The following ZNF439 variants were observed in gnomAD, a reference collection of about 807,000 sequenced individuals.
ZNF439 encodes zinc finger protein 439.
ZNF439 carries 40 observed loss-of-function variants against 47.3 expected under a neutral mutation model. That is an observed-to-expected ratio of 0.85 (90% CI 0.66 to 1.10). The LOEUF (loss-of-function observed/expected upper bound fraction) is 1.10, where lower values mean the gene tolerates loss of function less well. ZNF439 is among the 50% of genes least tolerant of loss of function. The pLI is 0.00. For missense variants in ZNF439, 556 were observed against 601.1 expected, an observed-to-expected ratio of 0.93 and a Z score of 0.78; for synonymous variants, 171 against 198.8, an observed-to-expected ratio of 0.86 and a Z score of 1.18.
intron 3 of ZNF439, among the ~76,000 whole-genome samples, chr19:11,866,901 T>A (rs1976700476): frequency 1.3e-5 from 2 of 151,968 alleles, no homozygotes; most frequent in South Asian, 4.1e-4. Flanking sequence ...GTGGTATGCA[T>A]CCGTAGTCCC....
chr19:11,852,575 T>G (rs533510677), intron 1 of ZNF439, among the ~76,000 whole-genome samples: 19 of 152,352 alleles, frequency 1.2e-4, no homozygotes, highest in African/African-American at 4.6e-4. Flanking sequence ...AGTGGTGCAA[T>G]CTCAGCTCAC....
intron 3 of ZNF439, among the ~76,000 whole-genome samples, chr19:11,867,011 G>A (rs1324274686): frequency 6.6e-6 from 1 of 152,160 alleles, no homozygotes; most frequent in Non-Finnish European, 1.5e-5. Flanking sequence ...GCACTCCAGG[G>A]TGGGCAACAG....
In ZNF439 at chr19:11,868,601, GC is replaced by G. The variant is rs755177603; in HGVS notation, c.*34del. 1.9e-6 allele frequency: 3 copies of G among 1,573,908 alleles called. No homozygotes were observed. The highest frequency in any genetic ancestry group is 1.7e-4 in the Middle Eastern group (1 of 5,874). ...GATATATGGGAAACACTTTTATTCT[GC>G]CAAGTTATTTCAAACACATGAAAAA... On this transcript the variant is annotated 3_prime_UTR_variant, in exon 4 of 4. Transcript: ENST00000682736.
intron 1 of ZNF439, among the ~76,000 whole-genome samples, chr19:11,863,440 A>G (rs459364): frequency 0.37 from 56,088 of 151,832 alleles, 11,073 homozygotes; most frequent in African/African-American, 0.52. Context: ...GATTACAAGC[A>G]TGAGCCACCA....
In ZNF439 at chr19:11,868,267, C is replaced by G. The variant is rs771632007; in HGVS notation, c.1213C>G (p.His405Asp). The G allele has an allele frequency of 6.2e-7, 1 of 1,614,000 alleles. No individual in the cohort carries two copies. The highest frequency in any genetic ancestry group is 8.5e-7 in the Non-Finnish European group (1 of 1,180,014). Residue 405 changes from histidine to aspartate, a missense_variant, in exon 4 of 4, where the codon CAT (histidine) becomes GAT (aspartate). By Grantham distance (81) the His-to-Asp change is moderately conservative. Transcript: ENST00000682736. ...AFTRSGSFRY[H>D]ERTHTGEKPY... is the part of the protein sequence containing the mutation. The stretch of plus-strand genomic sequence containing the variant: ...CACTCGTTCCGGTTCCTTTCGATAT[C>G]ATGAAAGGACTCACACTGGAGAGAA...
Position 11,868,727 on chromosome 19 carries a change from A to C in ZNF439, c.*158A>C, listed in dbSNP as rs1341118182. The C allele has an allele frequency of 8.5e-6, 7 of 821,108 alleles. No homozygotes were observed. The highest frequency in any genetic ancestry group is 1.4e-5 in the Non-Finnish European group (7 of 501,674). 50.9% of individuals were successfully genotyped at this position (821,108 alleles called of 1,614,324 possible). On this transcript the variant is annotated 3_prime_UTR_variant, in exon 4 of 4. Transcript: ENST00000682736. Reference sequence around the variant, plus strand: ...CTAAAAGGACTCACAGTGGAGAAAAACTCTATGAGTGTAAGCAATGTGGGA... The same window carrying C: ...CTAAAAGGACTCACAGTGGAGAAAACCTCTATGAGTGTAAGCAATGTGGGA...
At chr19:11,851,039 A>G (rs1976224389) in intron 1 of ZNF439, 1 of 152,178 alleles carries the variant, frequency 6.6e-6, no homozygotes, top group Admixed American at 6.6e-5. Context: ...CTCAAAAAAC[A>G]AAAACAAAAC....
At chr19:11,849,197 G>A (rs1568251555) in intron 1 of ZNF439, 4 of 1,072,878 alleles carry the variant, frequency 3.7e-6, no homozygotes, top group South Asian at 5.1e-5. Context: ...AGCTTGTGCG[G>A]GGGCCACGGG....
rs1183170826 is a variant in ZNF439 at position 11,868,375 on chromosome 19, A to C, written c.1321A>C (p.Lys441Gln). ...QLHGRTHTGE[K>Q]PYQCKECGKA... ...GCATGGTAGGACTCACACTGGAGAG[A>C]AACCGTATCAATGTAAGGAATGTGG... Residue 441 changes from lysine (K) to glutamine (Q), a missense_variant, in exon 4 of 4, where the codon AAA becomes CAA. Transcript: ENST00000682736. 5.0e-6 allele frequency: 8 copies of C among 1,606,168 alleles called. No homozygotes were observed. The highest frequency in any genetic ancestry group is 6.8e-6 in the Non-Finnish European group (8 of 1,173,646).
At chr19:11,867,186 G>A in intron 3 of ZNF439, 120 bp from the exon 4 acceptor site, 1 of 1,203,554 alleles carries the variant, frequency 8.3e-7, no homozygotes, top group Non-Finnish European at 1.1e-6. Context: ...AAACAATTCA[G>A]ACAGGGCAGA....
rs777823261 is a variant in ZNF439, at chr19:11,866,611, A to C, written c.251+14A>C. ...GAGAAACTTCAGGTAATTTGCACTTATAAGAGAAAGCAGTGTCTCTCTACA... is the reference window on the plus strand; with the variant it reads ...GAGAAACTTCAGGTAATTTGCACTTCTAAGAGAAAGCAGTGTCTCTCTACA... On this transcript the variant is annotated intron_variant, in intron 3 of 3. Coordinates refer to ENST00000682736, the MANE Select transcript of ZNF439 (RefSeq NM_001348719.2). 6.2e-7 allele frequency: 1 copy of C among 1,611,184 alleles called. No individual in the cohort carries two copies. Among genetic ancestry groups the C allele is most frequent in the Non-Finnish European group, 8.5e-7 (1 of 1,177,646 alleles).
At chr19:11,861,790 C>T (rs575022404) in intron 1 of ZNF439, among the ~76,000 whole-genome samples, 4 of 152,266 alleles carry the variant, frequency 2.6e-5, no homozygotes, top group South Asian at 2.1e-4. Context: ...CGTCATTGAG[C>T]GCTTCTCCTT....
At chr19:11,863,436 A>G (rs459363) in intron 1 of ZNF439, among the ~76,000 whole-genome samples, 17,133 of 152,010 alleles carry the variant, frequency 0.11, 2,124 homozygotes, top group African/African-American at 0.31. Flanking sequence ...CTGGGATTAC[A>G]AGCATGAGCC....
chr19:11,863,152 C>CTTTTTTTT (rs34655587), intron 1 of ZNF439, among the ~76,000 whole-genome samples: 16 of 90,058 alleles, frequency 1.8e-4, no homozygotes, highest in African/African-American at 2.1e-4. Context: ...AAAGATTTTG[C>CTTTTTTTT]TTTTTTTTTT....
At position 11,868,868 on chromosome 19, in the gene ZNF439, A is replaced by C. The variant is rs535696022; in HGVS notation, c.*299A>C. ...TCCATAATTTCTCTTCTTTTCAAAT[A>C]CATGAAAGTTGCACAGAGGAGAGGC... On this transcript the variant is annotated 3_prime_UTR_variant, in exon 4 of 4. Coordinates refer to ENST00000682736, the MANE Select transcript of ZNF439 (RefSeq NM_001348719.2). 3.5e-5 allele frequency: 15 copies of C among 432,432 alleles called. No individual in the cohort carries two copies. Among genetic ancestry groups the C allele is most frequent in the South Asian group, 2.5e-4 (10 of 39,226 alleles). The allele number at this position is 432,432 out of a possible 1,614,324, so 26.8% of individuals were successfully genotyped here. A position where few individuals can be genotyped will look rare whatever the true frequency, so the allele number is the denominator to read the frequency against.
intron 1 of ZNF439, among the ~76,000 whole-genome samples, chr19:11,852,411 T>G (rs1041794440): frequency 2.0e-5 from 3 of 152,238 alleles, no homozygotes; most frequent in Admixed American, 6.5e-5. Context: ...AGCTGGCTAT[T>G]TGAAAGCTGT....
At position 11,854,472 on chromosome 19, in the gene ZNF439, G is replaced by C. The variant is rs548040685; in HGVS notation, c.63+5542G>C. On this transcript the variant is annotated intron_variant, in intron 1 of 3. Coordinates refer to ENST00000682736, the MANE Select transcript of ZNF439 (RefSeq NM_001348719.2). Reference sequence around the variant, plus strand: ...AATCATCAAAGTAGAGATATTATGTGTTTGTGGCCAGGCACAGTGGCTCAC... The same window carrying C: ...AATCATCAAAGTAGAGATATTATGTCTTTGTGGCCAGGCACAGTGGCTCAC... 3.9e-5 allele frequency among the ~76,000 whole-genome samples: 6 copies of C among 152,216 alleles called. No homozygotes were observed. The East Asian group carries it at 9.7e-4, about 25-fold the overall frequency.
At position 11,868,773 on chromosome 19, in the gene ZNF439, A is replaced by T; in HGVS notation, c.*204A>T. The T allele has an allele frequency of 3.1e-6, 2 of 645,262 alleles. No homozygotes were observed. The highest frequency in any genetic ancestry group is 1.9e-5 in the South Asian group (1 of 53,486). The allele number at this position is 645,262 out of a possible 1,614,324, so 40.0% of individuals were successfully genotyped here. A position where few individuals can be genotyped will look rare whatever the true frequency, so the allele number is the denominator to read the frequency against. On this transcript the variant is annotated 3_prime_UTR_variant, in exon 4 of 4. Coordinates refer to ENST00000682736, the MANE Select transcript of ZNF439 (RefSeq NM_001348719.2). ...TGGGAAAGTCTTCAGATCTGTCAAG[A>T]ACCTTTCAATTTATGAAAGGACACA... is the stretch of plus-strand genomic sequence containing the variant.
intron 1 of ZNF439, chr19:11,856,910 T>C (rs1319023912): frequency 6.6e-6 from 1 of 152,278 alleles, no homozygotes; most frequent in Non-Finnish European, 1.5e-5. Flanking sequence ...AGAAACAAGC[T>C]AAGCAGTTCT....
Sources: allele counts gnomAD v4.1 joint callset (sites outside exome capture counted in the v4.1 genomes callset), GRCh38; gene constraint gnomAD v4.1.1; transcripts MANE v1.5; gene names NCBI Gene and HGNC (gene_info 2026-07-23, HGNC 2026-07-21).